The following ATP8B3 variants were observed in gnomAD, a reference collection of about 807,000 sequenced individuals.
ATP8B3 encodes phospholipid-transporting ATPase IK.
A neutral mutation model predicts 140.9 loss-of-function variants in ATP8B3; 141 were observed. That is an observed-to-expected ratio of 1.00 (90% CI 0.87 to 1.15). The LOEUF (loss-of-function observed/expected upper bound fraction) is 1.15. Among genes scored for constraint, ATP8B3 ranks in the 50% most tolerant of loss-of-function variants. The probability of loss-of-function intolerance (pLI) is 0.00; values close to 1 mark genes in which losing one functional copy is unlikely to be tolerated. For missense variants in ATP8B3, 1,874 were observed against 1,740.6 expected, an observed-to-expected ratio of 1.08 and a Z score of -1.36; for synonymous variants, 765 against 714.6, an observed-to-expected ratio of 1.07 and a Z score of -1.13.
Position 1,789,895 on chromosome 19 carries a change from A to T in ATP8B3, c.2473T>A (p.Phe825Ile), listed in dbSNP as rs1165841653. Reference sequence around the variant, plus strand: ...CCACCCTGAGCGACACTGACCAGGAAGTCTCCGTTAATGACCAAGGCCAGC... The same window carrying T: ...CCACCCTGAGCGACACTGACCAGGATGTCTCCGTTAATGACCAAGGCCAGC... ...VKLALVINGDFLDKLLVSLRK... is the reference protein window; with the variant it reads ...VKLALVINGDILDKLLVSLRK... Residue 825 changes from phenylalanine to isoleucine, a missense_variant, in exon 22 of 29, where the codon TTC (phenylalanine) becomes ATC (isoleucine). Physicochemically the swap from Phe to Ile is conservative, Grantham distance 21. This residue lies in a region of ATP8B3 where 840 missense variants were observed against 760.9 expected (regional missense o/e 1.10). Transcript: ENST00000310127. The T allele has an allele frequency of 1.2e-5, 19 of 1,611,214 alleles. No homozygotes were observed. Among genetic ancestry groups the T allele is most frequent in the Non-Finnish European group, 1.6e-5 (19 of 1,178,968 alleles).
At chr19:1,803,569 C>T (rs746979194) in intron 10 of ATP8B3, among the ~76,000 whole-genome samples, 1 of 152,184 alleles carries the variant, frequency 6.6e-6, no homozygotes, top group Non-Finnish European at 1.5e-5. Context: ...GGAAGAGCCG[C>T]TGCCTGTCTA....
chr19:1,810,306 GGAGTGCA>G (rs1301494533), intron 3 of ATP8B3, among the ~76,000 whole-genome samples: 1 of 152,134 alleles, frequency 6.6e-6, no homozygotes, highest in African/African-American at 2.4e-5. Flanking sequence ...CACCCAGGCT[GGAGTGCA>G]GTAGCACAAT....
rs1568626998 is a variant in ATP8B3, at chr19:1,790,813, GC to G, written c.2321del (p.Gly774AlafsTer34). On this transcript the variant is annotated frameshift_variant, in exon 21 of 29. Transcript: ENST00000310127. LOFTEE classifies it high-confidence loss of function. The part of the protein sequence containing the change: ...GDKQETAVNI[G>X]FACELLSENM... ...TCTCTGACAGCAGCTCGCAGGCGAA[GC>G]CGATGTTCACAGCCGTTTCTGCGAA... The G allele has an allele frequency of 6.2e-7, 1 of 1,603,284 alleles. No individual in the cohort carries two copies. The highest frequency in any genetic ancestry group is 8.5e-7 in the Non-Finnish European group (1 of 1,176,132).
chr19:1,789,254 C>T, intron 23 of ATP8B3, 107 bp downstream of exon 23: 1 of 1,229,908 alleles, frequency 8.1e-7, no homozygotes, highest in Non-Finnish European at 1.1e-6. Context: ...CCGCCGCCTC[C>T]ATCAGCGCCC....
intron 12 of ATP8B3, 81 bp downstream of exon 12, chr19:1,801,875 G>A (rs1027725877): frequency 3.4e-5 from 38 of 1,113,348 alleles, no homozygotes; most frequent in Non-Finnish European, 4.8e-5. Flanking sequence ...GCAGAAGAAG[G>A]AAACTGAGGC....
In ATP8B3 at chr19:1,805,536, T is replaced by A. The variant is rs912625246; in HGVS notation, c.822-80A>T. The A allele has an allele frequency of 8.2e-7, 1 of 1,219,582 alleles. No individual in the cohort carries two copies. Among genetic ancestry groups the A allele is most frequent in the Non-Finnish European group, 1.2e-6 (1 of 846,924 alleles). The allele number at this position is 1,219,582 out of a possible 1,614,324, so 75.5% of individuals were successfully genotyped here. On this transcript the variant is annotated intron_variant, in intron 9 of 28. Transcript: ENST00000310127. The surrounding 1 kb of genome is among the most constrained non-coding windows in gnomAD (Gnocchi z 5.2). ...GCCCCCAGACCCCTTCTGGAGTCAC[T>A]CAAACATTTTCACTGAGCACCTACT...
At chr19:1,792,254 C>T (rs2068536140) in intron 18 of ATP8B3, 119 bp from the exon 19 acceptor site, 1 of 1,171,248 alleles carries the variant, frequency 8.5e-7, no homozygotes, top group African/African-American at 1.6e-5. Flanking sequence ...CCTGTTGCCT[C>T]CCCAGCCAAC....
At chr19:1,784,087 A>G (rs7248424) in intron 28 of ATP8B3, among the ~76,000 whole-genome samples, 11,969 of 152,208 alleles carry the variant, frequency 0.079, 688 homozygotes, top group African/African-American at 0.16. Context: ...TTCATTGCAC[A>G]GATGGAGCGT....
chr19:1,789,823 A>G, intron 22 of ATP8B3, 67 bp downstream of exon 22: 1 of 1,587,186 alleles, frequency 6.3e-7, no homozygotes, highest in Non-Finnish European at 8.6e-7. Flanking sequence ...CCCCACCCCG[A>G]GCCCGCCGCC....
chr19:1,798,209 G>T (rs1237638101), intron 14 of ATP8B3, among the ~76,000 whole-genome samples: 3 of 151,864 alleles, frequency 2.0e-5, no homozygotes, highest in African/African-American at 7.3e-5. Flanking sequence ...GACCTCAGGT[G>T]ATCCACCCGC....
intron 18 of ATP8B3, among the ~76,000 whole-genome samples, chr19:1,795,223 C>G (rs140292264): frequency 1.6e-3 from 238 of 152,130 alleles, no homozygotes; most frequent in African/African-American, 5.2e-3. Context: ...CCATTGCACT[C>G]CAGCCTGGGC....
chr19:1,785,469 C>T lies in ATP8B3; in HGVS notation c.3393G>A (p.Glu1131=), dbSNP rs1176464493. Residue 1131 remains glutamate (E), a splice_region_variant and synonymous_variant, in exon 26 of 29, where the codon GAG becomes GAA. Transcript: ENST00000310127. ...CCGGGGAGGTGAGGACCTTGCCCAC[C>T]TCCATGGTGATGGACAGCAGGCAAG... ...ALSCLLSITM[E]VILIIKYWTA... is the part of the protein sequence containing the mutation. The T allele has an allele frequency of 1.2e-6, 2 of 1,612,600 alleles. No homozygotes were observed. Among genetic ancestry groups the T allele is most frequent in the Admixed American group, 3.3e-5 (2 of 59,978 alleles).
At chr19:1,783,335 C>A (rs2068214162) in intron 28 of ATP8B3, 65 bp from the exon 29 acceptor site, 2 of 1,540,578 alleles carry the variant, frequency 1.3e-6, no homozygotes, top group Non-Finnish European at 8.8e-7. Context: ...TCTCAGGTCC[C>A]CCAAGTAGGA....
In ATP8B3 at chr19:1,787,979, T is replaced by A. The variant is rs554562753; in HGVS notation, c.3070-793A>T. 1.3e-5 allele frequency among the ~76,000 whole-genome samples: 2 copies of A among 151,506 alleles called. 1 individual carries two copies. The highest frequency in any genetic ancestry group is 4.8e-5 in the African/African-American group (2 of 41,284). ...ATCACTTGAACCCGGGAGGCAGAGG[T>A]TGCAGTGAGCCAAGATCATGCCACT... is the stretch of plus-strand genomic sequence containing the variant. On this transcript the variant is annotated intron_variant, in intron 24 of 28. Coordinates refer to ENST00000310127, the MANE Select transcript of ATP8B3 (RefSeq NM_138813.4).
In ATP8B3 at chr19:1,788,912, G is replaced by A. The variant is rs889834658; in HGVS notation, c.3054C>T (p.Asn1018=). ...MMVQVWFACY[N]GFTGQPLYEG... is the part of the protein sequence containing the mutation. ...GGGGACGCACCTGGCCGGTGAAGCC[G>A]TTGTAGCAGGCAAACCAGACCTGCA... is the stretch of plus-strand genomic sequence containing the variant. Residue 1018 remains asparagine, a synonymous_variant, in exon 24 of 29, where the codon AAC becomes AAT. Coordinates refer to ENST00000310127, the MANE Select transcript of ATP8B3 (RefSeq NM_138813.4). 1 of 1,597,122 alleles carries A rather than the reference G, an allele frequency of 6.3e-7. No homozygotes were observed. The highest frequency in any genetic ancestry group is 1.3e-5 in the African/African-American group (1 of 74,674).
chr19:1,795,877 C>A lies in ATP8B3; in HGVS notation c.2053G>T (p.Ala685Ser), dbSNP rs1344570200. ...AMEFATEEAL[A>S]AFAQETLRTL... ...CCAGCCTTCCTGAAGGGACTCACAGCCAAGGCCTCCTCTGTGGCAAATTCC... is the reference window on the plus strand; with the variant it reads ...CCAGCCTTCCTGAAGGGACTCACAGACAAGGCCTCCTCTGTGGCAAATTCC... The change falls in exon 18 of 29, where the codon GCT becomes TCT. Residue 685 changes from alanine to serine, a missense_variant and splice_region_variant. Physicochemically the swap from Ala to Ser is moderately conservative, Grantham distance 99. Around this residue, in one of 3 missense-constraint regions of ATP8B3, gnomAD observed 1,032 missense variants for 963.6 expected, o/e 1.07. Transcript: ENST00000310127. 3 of 1,608,520 alleles carry A rather than the reference C, an allele frequency of 1.9e-6. No individual in the cohort carries two copies. Among genetic ancestry groups the A allele is most frequent in the Admixed American group, 3.3e-5 (2 of 59,782 alleles).
Position 1,806,585 on chromosome 19 carries a change from C to A in ATP8B3, c.677+43G>T. On this transcript the variant is annotated intron_variant, in intron 7 of 28. Coordinates refer to ENST00000310127, the MANE Select transcript of ATP8B3 (RefSeq NM_138813.4). This position sits in a 1 kb window ranked among gnomAD's most constrained non-coding sequence, Gnocchi z 5.6. ...GGCCGATGACCCTGCTGGGCTGGAG[C>A]CCCCGTGTCCCCGCGGATCCCCAGC... 6.5e-7 allele frequency: 1 copy of A among 1,548,964 alleles called. No homozygotes were observed. Among genetic ancestry groups the A allele is most frequent in the Non-Finnish European group, 8.7e-7 (1 of 1,146,350 alleles).
Position 1,796,225 on chromosome 19 carries a change from C to G in ATP8B3, c.1794G>C (p.Ala598=), listed in dbSNP as rs752452329. 7 of 1,612,398 alleles carry G rather than the reference C, an allele frequency of 4.3e-6. No homozygotes were observed. The Admixed American group carries it at 8.3e-5, about 19-fold the overall frequency. The change falls in exon 17 of 29, where the codon GCG becomes GCC. Residue 598 remains alanine, a synonymous_variant. Transcript: ENST00000310127. ...LYQAASPDEG[A]LVTAARNFGY... is the part of the protein sequence containing the mutation. ...CGAAGTTCCGGGCTGCGGTGACCAG[C>G]GCCCCCTCGTCGGGGGAGGCCGCCT... is the stretch of plus-strand genomic sequence containing the variant.
chr19:1,787,560 C>T (rs1307689178), intron 24 of ATP8B3, among the ~76,000 whole-genome samples: 14 of 151,876 alleles, frequency 9.2e-5, no homozygotes, highest in Non-Finnish European at 2.1e-4. Context: ...GAAACCCCGT[C>T]TCTACTAAAA....
Sources: gnomAD v4.1 joint callset for allele counts (sites outside exome capture counted in the v4.1 genomes callset) on GRCh38, gnomAD v4.1.1 for gene constraint, gnomAD v4.1.1 regional missense constraint, Gnocchi (gnomAD v3.1) non-coding constraint, MANE v1.5 for transcripts, NCBI Gene and HGNC (gene_info 2026-07-23, HGNC 2026-07-21) for gene names.